The following USP48 variants were observed in gnomAD, a reference collection of about 807,000 sequenced individuals.
USP48 encodes ubiquitin specific peptidase 48, also known as ubiquitin carboxyl-terminal hydrolase 48.
USP48 carries 43 observed loss-of-function variants against 150.7 expected under a neutral mutation model. That is an observed-to-expected ratio of 0.29 (90% CI 0.22 to 0.37). The LOEUF is 0.37. USP48 is among the 10% of genes least tolerant of loss of function. The pLI is 1.00. For synonymous variants in USP48, 396 were observed against 425.9 expected (o/e 0.93, Z 0.86); for missense variants, 813 against 1,249.6 (o/e 0.65, Z 5.27).
chr1:21,762,288 C>G (rs2097851799), intron 1 of USP48, among the ~76,000 whole-genome samples: 1 of 151,100 alleles, frequency 6.6e-6, no homozygotes, highest in South Asian at 2.1e-4. Context: ...AAAGAAGAAA[C>G]AAAACTGATT....
At chr1:21,710,102 A>G (rs978713986) in intron 15 of USP48, among the ~76,000 whole-genome samples, 3 of 152,180 alleles carry the variant, frequency 2.0e-5, no homozygotes, top group Non-Finnish European at 2.9e-5. Context: ...GGGACACATA[A>G]ATTGTTAGAA....
intron 18 of USP48, 30 bp downstream of exon 18, chr1:21,706,096 T>C: frequency 6.2e-7 from 1 of 1,604,974 alleles, no homozygotes; most frequent in African/African-American, 1.3e-5. Flanking sequence ...TCAGTAACAA[T>C]AAAGGAAATA....
rs1402276007 is a variant in USP48 at position 21,703,498 on chromosome 1, A to G, written c.2622+14T>C. The G allele has an allele frequency of 1.9e-6, 3 of 1,598,800 alleles. No homozygotes were observed. The highest frequency in any genetic ancestry group is 1.7e-6 in the Non-Finnish European group (2 of 1,168,474). Reference sequence around the variant, plus strand: ...TTGATCATTACTAGTCATTGCCACAAGAGGGACCAGTACCTTTTTATTATC... The same window carrying G: ...TTGATCATTACTAGTCATTGCCACAGGAGGGACCAGTACCTTTTTATTATC... On this transcript the variant is annotated intron_variant, in intron 21 of 26. Coordinates refer to ENST00000308271, the MANE Select transcript of USP48 (RefSeq NM_032236.8).
intron 11 of USP48, 32 bp downstream of exon 11, chr1:21,728,538 G>A (rs1287965459): frequency 1.3e-6 from 2 of 1,581,924 alleles, no homozygotes; most frequent in Non-Finnish European, 1.7e-6. Context: ...GCACTTAATG[G>A]CAACAGTGCT....
intron 14 of USP48, among the ~76,000 whole-genome samples, chr1:21,715,701 T>G (rs2097702303): frequency 6.6e-6 from 1 of 152,220 alleles, no homozygotes; most frequent in Non-Finnish European, 1.5e-5. Context: ...AATGTGCTTT[T>G]TTAAATTCAA....
chr1:21,747,022 G>T, intron 8 of USP48, 45 bp downstream of exon 8: 2 of 1,421,850 alleles, frequency 1.4e-6, no homozygotes, highest in Non-Finnish European at 9.6e-7. Context: ...TCACAAGTTA[G>T]AGTCTCTGAG....
intron 14 of USP48, among the ~76,000 whole-genome samples, chr1:21,715,683 T>C (rs1434515110): frequency 6.6e-6 from 1 of 152,264 alleles, no homozygotes; most frequent in Non-Finnish European, 1.5e-5. Flanking sequence ...ATTTAGGTTA[T>C]GCAAGAAAAT....
At chr1:21,734,654 C>G (rs1172129682) in intron 9 of USP48, among the ~76,000 whole-genome samples, 1 of 152,210 alleles carries the variant, frequency 6.6e-6, no homozygotes, top group African/African-American at 2.4e-5. Flanking sequence ...ATAGTCTGAA[C>G]CTCATCCAAA....
chr1:21,701,646 G>A, intron 21 of USP48, 44 bp from the exon 22 acceptor site: 2 of 1,570,060 alleles, frequency 1.3e-6, no homozygotes, highest in Non-Finnish European at 1.8e-6. Flanking sequence ...CAGACCCTAG[G>A]AAGGCAGGCT....
intron 11 of USP48, among the ~76,000 whole-genome samples, chr1:21,727,542 C>G (rs181719106): frequency 6.6e-6 from 1 of 152,112 alleles, no homozygotes; most frequent in Non-Finnish European, 1.5e-5. Context: ...CACAGGAAAC[C>G]GTGAATAAAG....
intron 3 of USP48, among the ~76,000 whole-genome samples, chr1:21,753,468 T>C (rs1211315845): frequency 1.3e-5 from 2 of 151,258 alleles, no homozygotes; most frequent in Non-Finnish European, 2.9e-5. Flanking sequence ...GACACGAGCA[T>C]CTATTGAGCG....
chr1:21,695,931 C>G (rs1243413438), intron 22 of USP48, among the ~76,000 whole-genome samples: 1 of 152,062 alleles, frequency 6.6e-6, no homozygotes, highest in Admixed American at 6.5e-5. Flanking sequence ...ACCACTTGTC[C>G]TAATGGCAAA....
intron 18 of USP48, 73 bp from the exon 19 acceptor site, chr1:21,705,910 A>G (rs1483668297): frequency 1.6e-6 from 2 of 1,274,306 alleles, no homozygotes; most frequent in Non-Finnish European, 2.2e-6. Flanking sequence ...TAAAATAATT[A>G]TTTCAAAATC....
rs751791719 is a variant in USP48 at position 21,783,083 on chromosome 1, CCAGT to C, written c.-130_-127del. The C allele has an allele frequency of 5.5e-5, 73 of 1,335,298 alleles. No individual in the cohort carries two copies. Among genetic ancestry groups the C allele is most frequent in the Middle Eastern group, 5.4e-4 (2 of 3,686 alleles). 82.7% of individuals were successfully genotyped at this position (1,335,298 alleles called of 1,614,324 possible). On this transcript the variant is annotated 5_prime_UTR_variant, in exon 1 of 27. Coordinates refer to ENST00000308271, the MANE Select transcript of USP48 (RefSeq NM_032236.8). ...ACCTGGCGCTCCTTCAGGCAGCTGG[CCAGT>C]CAATCACCTGTGCGCGCCACTGCCG...
intron 11 of USP48, among the ~76,000 whole-genome samples, chr1:21,727,013 A>G (rs116827673): frequency 0.019 from 2,956 of 152,292 alleles, 105 homozygotes; most frequent in African/African-American, 0.066. Context: ...GAAAGTTATA[A>G]AGTCTAGAAC....
In USP48 at chr1:21,706,059, T is replaced by C. The variant is rs922310095; in HGVS notation, c.2273+67A>G. On this transcript the variant is annotated intron_variant, in intron 18 of 26. Transcript: ENST00000308271. Reference sequence around the variant, plus strand: ...GGTACAACAAACAGAATCCACGATATCTTAAAAAATACCAGAGTCAACCAA... The same window carrying C: ...GGTACAACAAACAGAATCCACGATACCTTAAAAAATACCAGAGTCAACCAA... The C allele has an allele frequency of 2.4e-5, 36 of 1,516,476 alleles. No individual in the cohort carries two copies. In the East Asian group the frequency reaches 7.9e-4, roughly 33 times the overall value. The allele number at this position is 1,516,476 out of a possible 1,614,324, so 93.9% of individuals were successfully genotyped here.
rs139105954 is a variant in USP48 at position 21,755,193 on chromosome 1, G to A, written c.412+1353C>T. ...TCCTTACTACCAACTGTGGCTTTCA[G>A]CAAGTCAATATATCATCTTCAAAAT... On this transcript the variant is annotated intron_variant, in intron 3 of 26. Coordinates refer to ENST00000308271, the MANE Select transcript of USP48 (RefSeq NM_032236.8). Among the ~76,000 whole-genome samples the A allele has an allele frequency of 9.2e-5, 14 of 152,148 alleles. 1 individual carries two copies. In the East Asian group the frequency reaches 2.5e-3, roughly 27 times the overall value.
At chr1:21,700,611 T>C (rs769634847) in intron 22 of USP48, among the ~76,000 whole-genome samples, 4 of 152,312 alleles carry the variant, frequency 2.6e-5, no homozygotes, top group East Asian at 1.9e-4. Context: ...ACTATTTTAG[T>C]AGTAAAGAAA....
chr1:21,747,093 T>A lies in USP48; in HGVS notation c.965A>T (p.Asp322Val). 1.2e-6 allele frequency: 2 copies of A among 1,612,196 alleles called. No individual in the cohort carries two copies. The highest frequency in any genetic ancestry group is 1.7e-6 in the Non-Finnish European group (2 of 1,179,704). Reference sequence around the variant, plus strand: ...TTTATGTTCCACATAAGGCTCCATATCCAAAATTTCTGAGAAGCCAATGTA... The same window carrying A: ...TTTATGTTCCACATAAGGCTCCATAACCAAAATTTCTGAGAAGCCAATGTA... ...NTYIGFSEIL[D>V]MEPYVEHKGG... The change falls in exon 8 of 27, where the codon GAT (aspartate) becomes GTT (valine). Residue 322 changes from aspartate (D) to valine (V), a missense_variant. Asp to Val is a radical substitution (Grantham distance 152, BLOSUM62 -3). Coordinates refer to ENST00000308271, the MANE Select transcript of USP48 (RefSeq NM_032236.8).
Sources: gnomAD v4.1 joint callset for allele counts (sites outside exome capture counted in the v4.1 genomes callset) on GRCh38, gnomAD v4.1.1 for gene constraint, MANE v1.5 for transcripts, NCBI Gene and HGNC (gene_info 2026-07-23, HGNC 2026-07-21) for gene names.